Variants in TLL1 observed in about 807,000 individuals in gnomAD.
The protein encoded by TLL1 is tolloid-like protein 1.
TLL1 carries 49 observed loss-of-function variants against 128.2 expected under a neutral mutation model. The observed-to-expected ratio is 0.38, with a 90% CI of 0.30 to 0.48. The LOEUF is 0.48. Among genes scored for constraint, TLL1 ranks in the 20% least tolerant of loss-of-function variants. TLL1 has a pLI of 0.96. For missense variants in TLL1, 1,123 were observed against 1,242.0 expected (o/e 0.90, Z 1.44); for synonymous variants, 454 against 418.8 (o/e 1.08, Z -1.03).
intron 18 of TLL1, among the ~76,000 whole-genome samples, chr4:166,089,635 T>C (rs1443367727): frequency 2.0e-5 from 3 of 152,146 alleles, no homozygotes; most frequent in East Asian, 1.9e-4. Context: ...CGCTGTCTTC[T>C]CTTTCCAGTG....
At chr4:166,033,265 G>T (rs1738855609) in intron 9 of TLL1, among the ~76,000 whole-genome samples, 1 of 152,054 alleles carries the variant, frequency 6.6e-6, no homozygotes, top group South Asian at 2.1e-4. Context: ...AATAGTGAAA[G>T]TTGGAAACAA....
chr4:166,047,606 G>C (rs190546047), intron 12 of TLL1, among the ~76,000 whole-genome samples: 177 of 151,666 alleles, frequency 1.2e-3, no homozygotes, highest in Non-Finnish European at 2.0e-3. Flanking sequence ...CTTCTTAGCT[G>C]TCCATCATTC....
intron 5 of TLL1, among the ~76,000 whole-genome samples, chr4:165,997,899 TTTAA>T (rs1233250733): frequency 6.6e-6 from 1 of 152,182 alleles, no homozygotes; most frequent in African/African-American, 2.4e-5. Context: ...GGACATATGC[TTTAA>T]CCCTCACCCT....
chr4:165,964,631 G>A (rs1438403156), intron 1 of TLL1, among the ~76,000 whole-genome samples: 1 of 152,122 alleles, frequency 6.6e-6, no homozygotes, highest in Non-Finnish European at 1.5e-5. Context: ...CTTTCCAAAA[G>A]TACAGTCAAG....
intron 1 of TLL1, chr4:165,874,956 G>A (rs1343843983): frequency 6.6e-6 from 1 of 152,386 alleles, no homozygotes; most frequent in East Asian, 1.9e-4. Flanking sequence ...AGGGCGCCCA[G>A]CACTGGCCGC....
At position 166,056,626 on chromosome 4, in the gene TLL1, C is replaced by A. The variant is rs142782980; in HGVS notation, c.1721-558C>A. ...TTTAAAAGAATTTTTGCTGATATAT[C>A]TATTAAGCTATAATGTAAAATTAGC... On this transcript the variant is annotated intron_variant, in intron 13 of 20. Transcript: ENST00000061240. Among the ~76,000 whole-genome samples the A allele has an allele frequency of 2.6e-3, 393 of 152,190 alleles. 2 individuals are homozygous for A. Among genetic ancestry groups the A allele is most frequent in the African/African-American group, 8.3e-3 (346 of 41,540 alleles).
intron 16 of TLL1, among the ~76,000 whole-genome samples, chr4:166,071,487 G>A (rs578242677): frequency 6.6e-6 from 1 of 151,944 alleles, no homozygotes; most frequent in South Asian, 2.1e-4. Context: ...TTTATTTCTA[G>A]CACTAAGTAA....
intron 16 of TLL1, among the ~76,000 whole-genome samples, chr4:166,066,911 T>C (rs1740598278): frequency 6.6e-6 from 1 of 151,804 alleles, no homozygotes; most frequent in African/African-American, 2.4e-5. Context: ...AAATAAGACT[T>C]TTTAAGACTT....
intron 14 of TLL1, among the ~76,000 whole-genome samples, chr4:166,057,876 A>G (rs1740105442): frequency 6.6e-6 from 1 of 152,178 alleles, no homozygotes; most frequent in African/African-American, 2.4e-5. Flanking sequence ...CCCTCCCATG[A>G]CATGTGGGAA....
chr4:166,044,321 T>C, intron 12 of TLL1: 2 of 1,514,356 alleles, frequency 1.3e-6, no homozygotes, highest in Non-Finnish European at 1.8e-6. Context: ...CACTACTTAC[T>C]GAGGGCAGTG....
intron 7 of TLL1, among the ~76,000 whole-genome samples, chr4:166,009,685 C>A (rs1030390305): frequency 6.6e-6 from 1 of 151,304 alleles, no homozygotes; most frequent in Non-Finnish European, 1.5e-5. Context: ...GTTTCATTCA[C>A]GTTATTTTAT....
chr4:166,024,203 A>T (rs990037402), intron 8 of TLL1, among the ~76,000 whole-genome samples: 18 of 152,304 alleles, frequency 1.2e-4, no homozygotes, highest in African/African-American at 3.6e-4. Flanking sequence ...GTACAAACAT[A>T]ATACCTATTT....
intron 5 of TLL1, among the ~76,000 whole-genome samples, chr4:166,002,615 T>C (rs1261404302): frequency 6.6e-6 from 1 of 152,030 alleles, no homozygotes; most frequent in African/African-American, 2.4e-5. Context: ...CAGCTAATTT[T>C]TGAATTTTTT....
At chr4:165,913,142 C>CACCA (rs2110875372) in intron 1 of TLL1, among the ~76,000 whole-genome samples, 1 of 152,222 alleles carries the variant, frequency 6.6e-6, no homozygotes, top group African/African-American at 2.4e-5. Context: ...CTTAAAAAAA[C>CACCA]ACCAACAAAA....
chr4:165,898,665 A>T (rs1351422247), intron 1 of TLL1, among the ~76,000 whole-genome samples: 2 of 152,168 alleles, frequency 1.3e-5, no homozygotes, highest in Non-Finnish European at 2.9e-5. Flanking sequence ...ATTGATGTTC[A>T]TCAGGGATAT....
At chr4:166,015,650 A>C (rs1737902976) in intron 8 of TLL1, among the ~76,000 whole-genome samples, 1 of 151,994 alleles carries the variant, frequency 6.6e-6, no homozygotes, top group Non-Finnish European at 1.5e-5. Flanking sequence ...TGTTGGACAG[A>C]TAAAACTCAA....
rs116587725 is a variant in TLL1, at chr4:165,972,622, C to T, written c.170-16759C>T. 5.8e-3 allele frequency among the ~76,000 whole-genome samples: 886 copies of T among 152,256 alleles called. 12 individuals are homozygous for T. Among genetic ancestry groups the T allele is most frequent in the African/African-American group, 0.02 (818 of 41,542 alleles). ...GTCTGTCTATTTTACTCCTTGGACA[C>T]CATGTTCTATTAACTATCTCATAAC... On this transcript the variant is annotated intron_variant, in intron 1 of 20. Coordinates refer to ENST00000061240, the MANE Select transcript of TLL1 (RefSeq NM_012464.5).
At chr4:166,061,431 G>T (rs750064606) in intron 15 of TLL1, among the ~76,000 whole-genome samples, 29 of 151,910 alleles carry the variant, frequency 1.9e-4, no homozygotes, top group Admixed American at 5.3e-4. Flanking sequence ...ATTTAGTAGA[G>T]ACGGGGTTTC....
chr4:165,960,562 C>T (rs918624980), intron 1 of TLL1, among the ~76,000 whole-genome samples: 5 of 152,042 alleles, frequency 3.3e-5, no homozygotes, highest in African/African-American at 4.8e-5. Context: ...CAAAAATTCT[C>T]AACAAAATAC....
Sources: gnomAD v4.1 joint callset for allele counts (sites outside exome capture counted in the v4.1 genomes callset) on GRCh38, gnomAD v4.1.1 for gene constraint, MANE v1.5 for transcripts, NCBI Gene and HGNC (gene_info 2026-07-23, HGNC 2026-07-21) for gene names.